The following TCF4 variants were observed in gnomAD, a reference collection of about 807,000 sequenced individuals.
TCF4 encodes transcription factor 4.
In TCF4, 3 loss-of-function variants were observed where a neutral mutation model predicts 82.1. The ratio of observed to expected loss-of-function variants is 0.04; its 90% CI spans 0.02 to 0.09. The LOEUF (loss-of-function observed/expected upper bound fraction) is 0.09. Ranked by LOEUF, TCF4 falls within the 10% of genes least tolerant of loss-of-function variation. The pLI is 1.00. For synonymous variants in TCF4, 276 were observed against 309.6 expected, an observed-to-expected ratio of 0.89 and a Z score of 1.14; for missense variants, 518 against 852.7, an observed-to-expected ratio of 0.61 and a Z score of 4.89.
At chr18:55,572,835 C>A (rs1434439938) in intron 3 of TCF4, among the ~76,000 whole-genome samples, 2 of 152,100 alleles carry the variant, frequency 1.3e-5, no homozygotes, top group Admixed American at 6.6e-5. Context: ...GGGCAGATCA[C>A]CTGAGGTCGG....
In TCF4 at chr18:55,322,400, G is replaced by C. The variant is rs1568992395; in HGVS notation, c.549+27959C>G. ...CAGCTGCCTGAGAACTCGACTCGGA[G>C]AAAGGGGAGGGAAAGGGGAGGGAAG... On this transcript the variant is annotated intron_variant, in intron 8 of 19. Transcript: ENST00000354452. The C allele has an allele frequency of 6.7e-6, 3 of 450,702 alleles. No homozygotes were observed. The South Asian group carries it at 3.2e-4, about 48-fold the overall frequency. The allele number at this position is 450,702 out of a possible 1,614,324, so 27.9% of individuals were successfully genotyped here. A position where few individuals can be genotyped will look rare whatever the true frequency, so the allele number is the denominator to read the frequency against.
chr18:55,635,532 A>AG (rs2097735515), intron 1 of TCF4, among the ~76,000 whole-genome samples: 5 of 151,922 alleles, frequency 3.3e-5, no homozygotes, highest in Admixed American at 3.3e-4. Context: ...GAAAAGAAAA[A>AG]GAAAAAAAGA....
intron 6 of TCF4, among the ~76,000 whole-genome samples, chr18:55,384,476 A>C (rs892575368): frequency 2.6e-5 from 4 of 152,210 alleles, no homozygotes; most frequent in Admixed American, 6.5e-5. Context: ...AGGTCAATGC[A>C]ATATGCCTAG....
In TCF4 at chr18:55,492,779, T is replaced by C. The variant is rs982695315; in HGVS notation, c.146-28642A>G. On this transcript the variant is annotated intron_variant, in intron 3 of 19. Transcript: ENST00000354452. ...GAATGAGGGGGCACGAATGCCCCAG[T>C]TGCCCTAAACTCACCTCTCCTTAAC... Among the ~76,000 whole-genome samples, 5 of 152,214 alleles carry C rather than the reference T, an allele frequency of 3.3e-5. No individual in the cohort carries two copies. The East Asian group carries it at 9.6e-4, about 29-fold the overall frequency.
intron 6 of TCF4, among the ~76,000 whole-genome samples, chr18:55,372,327 C>A (rs1167012339): frequency 6.6e-6 from 1 of 150,860 alleles, no homozygotes; most frequent in African/African-American, 2.4e-5. Context: ...AGCAGCCAAT[C>A]AAGAAGACTG....
At chr18:55,367,121 C>A (rs1326667462) in intron 6 of TCF4, among the ~76,000 whole-genome samples, 1 of 152,186 alleles carries the variant, frequency 6.6e-6, no homozygotes, top group Non-Finnish European at 1.5e-5. Flanking sequence ...ACGTGTTGCA[C>A]ATTCAAAGCC....
chr18:55,483,479 C>G (rs1033334911), intron 3 of TCF4, among the ~76,000 whole-genome samples: 2 of 152,110 alleles, frequency 1.3e-5, no homozygotes, highest in African/African-American at 2.4e-5. Context: ...AGTCACATGA[C>G]CAGATGGAGT....
intron 5 of TCF4, among the ~76,000 whole-genome samples, chr18:55,416,104 G>A (rs2146821580): frequency 6.6e-6 from 1 of 152,224 alleles, no homozygotes; most frequent in South Asian, 2.1e-4. Flanking sequence ...GGTTATACCA[G>A]AAGAGTACCT....
At chr18:55,545,666 T>G (rs962751646) in intron 3 of TCF4, among the ~76,000 whole-genome samples, 9 of 152,136 alleles carry the variant, frequency 5.9e-5, no homozygotes, top group Non-Finnish European at 1.0e-4. Context: ...GCCAGGCTGG[T>G]CTTGAACTCC....
In TCF4 at chr18:55,400,377, G is replaced by C. The variant is rs2093747261; in HGVS notation, c.369+3077C>G. On this transcript the variant is annotated intron_variant, in intron 6 of 19. Coordinates refer to ENST00000354452, the MANE Select transcript of TCF4 (RefSeq NM_001083962.2). ...GGGTGTGATTTCTGTACCCCAATTT[G>C]ATTTAAATTAGTTTTGTCATATTTA... is the stretch of plus-strand genomic sequence containing the variant. Among the ~76,000 whole-genome samples, 3 of 152,062 alleles carry C rather than the reference G, an allele frequency of 2.0e-5. No homozygotes were observed. In the South Asian group the frequency reaches 6.2e-4, roughly 32 times the overall value.
intron 8 of TCF4, chr18:55,322,335 C>T: frequency 9.8e-7 from 1 of 1,023,168 alleles, no homozygotes; most frequent in Non-Finnish European, 1.2e-6. Flanking sequence ...AATAACTCTG[C>T]CATCTGTCTC....
intron 5 of TCF4, among the ~76,000 whole-genome samples, chr18:55,449,539 C>T (rs969365377): frequency 2.6e-5 from 4 of 152,170 alleles, no homozygotes; most frequent in Admixed American, 1.3e-4. Flanking sequence ...CAATCAGTTA[C>T]ACATAAAGAG....
At chr18:55,283,954 T>C (rs2063151479) in intron 8 of TCF4, among the ~76,000 whole-genome samples, 1 of 152,192 alleles carries the variant, frequency 6.6e-6, no homozygotes, top group Admixed American at 6.5e-5. Context: ...AGCAAGGATG[T>C]GAACTGATCA....
At chr18:55,257,218 A>T in intron 14 of TCF4, 97 bp downstream of exon 14, 1 of 1,289,696 alleles carries the variant, frequency 7.8e-7, no homozygotes, top group Non-Finnish European at 1.1e-6. Flanking sequence ...TAAAGTTACT[A>T]ACAGGGAAAA....
intron 5 of TCF4, among the ~76,000 whole-genome samples, chr18:55,410,651 A>G (rs1033586618): frequency 1.3e-5 from 2 of 152,104 alleles, no homozygotes; most frequent in East Asian, 3.9e-4. Context: ...ACAGACCTCC[A>G]GTTCCAGTAC....
At chr18:55,499,327 G>A (rs1019204742) in intron 3 of TCF4, among the ~76,000 whole-genome samples, 1 of 152,134 alleles carries the variant, frequency 6.6e-6, no homozygotes, top group African/African-American at 2.4e-5. Flanking sequence ...CTGATACAAC[G>A]TGAGAGCCTA....
chr18:55,527,579 A>G (rs1298244265), intron 3 of TCF4, among the ~76,000 whole-genome samples: 2 of 152,186 alleles, frequency 1.3e-5, no homozygotes, highest in Admixed American at 6.5e-5. Flanking sequence ...CAGAGACAAA[A>G]TGCACGAGGT....
chr18:55,384,810 G>A (rs910838106), intron 6 of TCF4, among the ~76,000 whole-genome samples: 3 of 152,078 alleles, frequency 2.0e-5, no homozygotes, highest in Admixed American at 1.3e-4. Context: ...CAATATTGGC[G>A]GTGGGGTCAG....
intron 3 of TCF4, among the ~76,000 whole-genome samples, chr18:55,528,885 CA>C (rs2097024391): frequency 6.6e-6 from 1 of 152,096 alleles, no homozygotes; most frequent in South Asian, 2.1e-4. Flanking sequence ...ACAACAACAA[CA>C]AAAGACCTTG....
Sources: gnomAD v4.1 joint callset for allele counts (sites outside exome capture counted in the v4.1 genomes callset) on GRCh38, gnomAD v4.1.1 for gene constraint, MANE v1.5 for transcripts, NCBI Gene and HGNC (gene_info 2026-07-23, HGNC 2026-07-21) for gene names.